Variants in KIF15 observed in about 807,000 individuals in gnomAD.
The protein encoded by KIF15 is kinesin-like protein KIF15.
In KIF15, 140 loss-of-function variants were observed where a neutral mutation model predicts 190.6. That is an observed-to-expected ratio of 0.73 (90% confidence interval 0.64 to 0.84). KIF15 has a LOEUF of 0.84. KIF15 is among the 40% of genes least tolerant of loss of function. The pLI, the probability that KIF15 is intolerant of heterozygous loss-of-function variation, is 0.00. For missense variants in KIF15, 1,372 were observed against 1,584.4 expected, an observed-to-expected ratio of 0.87 and a Z score of 2.28; for synonymous variants, 528 against 551.3, an observed-to-expected ratio of 0.96 and a Z score of 0.59.
intron 26 of KIF15, among the ~76,000 whole-genome samples, chr3:44,836,805 C>T (rs1698345252): frequency 6.6e-6 from 1 of 152,204 alleles, no homozygotes; most frequent in African/African-American, 2.4e-5. Context: ...AGATCAGTCT[C>T]AAATCCTTCT....
intron 16 of KIF15, among the ~76,000 whole-genome samples, chr3:44,806,583 A>T (rs903275254): frequency 1.3e-5 from 2 of 152,198 alleles, no homozygotes; most frequent in African/African-American, 2.4e-5. Context: ...TGAGGAGGTG[A>T]TACTGATTTC....
Position 44,774,428 on chromosome 3 carries a change from A to C in KIF15, c.53A>C (p.Asn18Thr), listed in dbSNP as rs1705781323. 5.0e-6 allele frequency: 8 copies of C among 1,613,426 alleles called. No homozygotes were observed. Among genetic ancestry groups the C allele is most frequent in the Non-Finnish European group, 6.8e-6 (8 of 1,179,624 alleles). ...CGCAGCGTGACAAATGGTCAGTCTAACCAACCAAGGTAAGGAGAAAAATAT... is the reference window on the plus strand; with the variant it reads ...CGCAGCGTGACAAATGGTCAGTCTACCCAACCAAGGTAAGGAGAAAAATAT... Reference protein sequence around the residue: ...ELRSVTNGQSNQPSNEGDAIK... With the variant: ...ELRSVTNGQSTQPSNEGDAIK... Residue 18 changes from asparagine (N) to threonine (T), a missense_variant, in exon 2 of 35, where the codon AAC becomes ACC. Transcript: ENST00000326047.
Position 44,801,781 on chromosome 3 carries a change from T to C in KIF15, c.1316T>C (p.Val439Ala), listed in dbSNP as rs755350112. The C allele has an allele frequency of 1.3e-6, 2 of 1,574,424 alleles. No homozygotes were observed. Among genetic ancestry groups the C allele is most frequent in the South Asian group, 1.1e-5 (1 of 88,330 alleles). The change falls in exon 13 of 35, where the codon GTT becomes GCT. Residue 439 changes from valine to alanine, a missense_variant. Coordinates refer to ENST00000326047, the MANE Select transcript of KIF15 (RefSeq NM_020242.3). ...EQEKKSLIEK[V>A]TQLEDLTLKK... ...TTCTTTAAGTCTCTGATAGAAAAAG[T>C]TACCCAATTAGAAGACCTCACCCTC...
intron 22 of KIF15, 42 bp from the exon 23 acceptor site, chr3:44,827,417 A>C (rs1465804012): frequency 7.2e-7 from 1 of 1,390,654 alleles, no homozygotes; most frequent in Non-Finnish European, 1.0e-6. Flanking sequence ...TCCTGTTTTC[A>C]TTGAGTGAAG....
At chr3:44,838,220 G>T in intron 26 of KIF15, 55 bp from the exon 27 acceptor site, 1 of 1,520,434 alleles carries the variant, frequency 6.6e-7, no homozygotes, top group African/African-American at 1.4e-5. Context: ...TAATGATTTG[G>T]GAATCCTTAT....
At position 44,805,833 on chromosome 3, in the gene KIF15, A is replaced by G; in HGVS notation, c.1830-12A>G. 5 of 1,607,852 alleles carry G rather than the reference A, an allele frequency of 3.1e-6. No homozygotes were observed. Among genetic ancestry groups the G allele is most frequent in the Non-Finnish European group, 3.4e-6 (4 of 1,177,862 alleles). ...TATTACCTGAAATACTCCGTTTTAC[A>G]ATATCTATTAGGAAAAGGCAGCTAG... On this transcript the variant is annotated splice_polypyrimidine_tract_variant and intron_variant, in intron 15 of 34. Coordinates refer to ENST00000326047, the MANE Select transcript of KIF15 (RefSeq NM_020242.3).
At chr3:44,828,114 ACT>A (rs1697775459) in intron 23 of KIF15, 98 bp from the exon 24 acceptor site, 2 of 772,040 alleles carry the variant, frequency 2.6e-6, no homozygotes, top group Non-Finnish European at 4.4e-6. Context: ...CCTAGCATAG[ACT>A]CTATAATATG....
chr3:44,796,769 T>C (rs755489326), intron 8 of KIF15, among the ~76,000 whole-genome samples: 1 of 152,234 alleles, frequency 6.6e-6, no homozygotes, highest in Non-Finnish European at 1.5e-5. Flanking sequence ...AAAGTAGTTT[T>C]TATTATCCTT....
downstream of KIF15, among the ~76,000 whole-genome samples, chr3:44,854,473 A>C (rs1375926599): frequency 1.3e-5 from 2 of 152,210 alleles, no homozygotes; most frequent in Non-Finnish European, 2.9e-5. Flanking sequence ...AGGAATAATA[A>C]ATAGTAAATC....
chr3:44,865,764 G>C (rs1699314926), intron 6 of KIF15: 1 of 157,018 alleles, frequency 6.4e-6, no homozygotes, highest in African/African-American at 2.4e-5. Flanking sequence ...GAGTGAGGCA[G>C]GTACAGAAGC....
At position 44,805,066 on chromosome 3, in the gene KIF15, G is replaced by A. The variant is rs748607561; in HGVS notation, c.1727G>A (p.Cys576Tyr). 6.2e-6 allele frequency: 10 copies of A among 1,613,430 alleles called. No homozygotes were observed. The East Asian group carries it at 8.9e-5, about 14-fold the overall frequency. Residue 576 changes from cysteine to tyrosine, a missense_variant, in exon 15 of 35, where the codon TGT (cysteine) becomes TAT (tyrosine). Physicochemically the swap from Cys to Tyr is radical, Grantham distance 194. Transcript: ENST00000326047. ...TCACCTAAAGCTCAGAAAGAGCCAT[G>A]TTTGTTTGCAAACACTGAGAAGTTA... ...GFSPKAQKEP[C>Y]LFANTEKLKA...
intron 20 of KIF15, among the ~76,000 whole-genome samples, chr3:44,819,527 T>A (rs1322093441): frequency 6.6e-6 from 1 of 152,206 alleles, no homozygotes; most frequent in African/African-American, 2.4e-5. Flanking sequence ...AGGAGCAAGT[T>A]GTTCAGTTTC....
chr3:44,778,624 T>C (rs190583296), intron 4 of KIF15, among the ~76,000 whole-genome samples: 29 of 152,210 alleles, frequency 1.9e-4, no homozygotes, highest in Middle Eastern at 3.4e-3. Flanking sequence ...CACTCCAAGG[T>C]AGAGGAGTAG....
chr3:44,780,402 G>A (rs1303778897), intron 4 of KIF15, among the ~76,000 whole-genome samples: 1 of 152,146 alleles, frequency 6.6e-6, no homozygotes, highest in Non-Finnish European at 1.5e-5. Context: ...GAAAGGAAAT[G>A]CTGTATTACT....
intron 29 of KIF15, among the ~76,000 whole-genome samples, chr3:44,841,614 G>A (rs1698610912): frequency 6.6e-6 from 1 of 151,896 alleles, no homozygotes; most frequent in Non-Finnish European, 1.5e-5. Flanking sequence ...TAGCCAGGAT[G>A]GTCTTGATCT....
chr3:44,772,343 C>T lies in KIF15; in HGVS notation c.20-2052C>T, dbSNP rs559242561. ...GGGGCTCCATTAGGAAAACAAAGGT[C>T]TCTCCCAAAATGGAATCCATGGAGA... is the stretch of plus-strand genomic sequence containing the variant. On this transcript the variant is annotated intron_variant, in intron 1 of 34. Transcript: ENST00000326047. Among the ~76,000 whole-genome samples, 5 of 152,280 alleles carry T rather than the reference C, an allele frequency of 3.3e-5. No homozygotes were observed. The East Asian group carries it at 9.7e-4, about 29-fold the overall frequency.
Position 44,774,436 on chromosome 3 carries a change from A to G in KIF15, c.61A>G (p.Ser21Gly), listed in dbSNP as rs376948238. The G allele has an allele frequency of 1.9e-6, 3 of 1,612,374 alleles. No individual in the cohort carries two copies. Among genetic ancestry groups the G allele is most frequent in the Non-Finnish European group, 2.5e-6 (3 of 1,178,866 alleles). Reference sequence around the variant, plus strand: ...GACAAATGGTCAGTCTAACCAACCAAGGTAAGGAGAAAAATATTCTCAATG... The same window carrying G: ...GACAAATGGTCAGTCTAACCAACCAGGGTAAGGAGAAAAATATTCTCAATG... ...SVTNGQSNQP[S>G]NEGDAIKVFV... Residue 21 changes from serine (S) to glycine (G), a missense_variant and splice_region_variant, in exon 2 of 35, where the codon AGT becomes GGT. By Grantham distance (56) the Ser-to-Gly change is moderately conservative (BLOSUM62 0). Coordinates refer to ENST00000326047, the MANE Select transcript of KIF15 (RefSeq NM_020242.3).
chr3:44,793,612 T>G (rs1229477799), intron 7 of KIF15, among the ~76,000 whole-genome samples: 1 of 152,174 alleles, frequency 6.6e-6, no homozygotes, highest in Non-Finnish European at 1.5e-5. Flanking sequence ...CTTTACAAAT[T>G]TCCTACTGAT....
intron 30 of KIF15, among the ~76,000 whole-genome samples, chr3:44,845,130 T>G (rs578076182): frequency 6.6e-5 from 10 of 152,336 alleles, no homozygotes; most frequent in Non-Finnish European, 1.2e-4. Flanking sequence ...CGAATAAGAT[T>G]GTCTCTCAGA....
Sources: gnomAD v4.1 joint callset for allele counts (sites outside exome capture counted in the v4.1 genomes callset) on GRCh38, gnomAD v4.1.1 for gene constraint, MANE v1.5 for transcripts, NCBI Gene and HGNC (gene_info 2026-07-23, HGNC 2026-07-21) for gene names.